The following VSIR variants were observed in gnomAD, a reference collection of about 807,000 sequenced individuals.
The protein encoded by VSIR is V-type immunoglobulin domain-containing suppressor of T-cell activation.
A neutral mutation model predicts 31.0 loss-of-function variants in VSIR; 10 were observed. The ratio of observed to expected loss-of-function variants is 0.32; its 90% CI spans 0.20 to 0.55. The LOEUF (loss-of-function observed/expected upper bound fraction) is 0.55. VSIR is among the 20% of genes least tolerant of loss of function. The probability of loss-of-function intolerance (pLI) is 0.93; values close to 1 mark genes in which losing one functional copy is unlikely to be tolerated. For synonymous variants in VSIR, 179 were observed against 180.1 expected (o/e 0.99, Z 0.05); for missense variants, 356 against 416.2 (o/e 0.86, Z 1.26).
At chr10:71,756,452 G>A (rs1840151067) in intron 3 of VSIR, among the ~76,000 whole-genome samples, 1 of 152,182 alleles carries the variant, frequency 6.6e-6, no homozygotes, top group Admixed American at 6.5e-5. Flanking sequence ...AACTAATAAT[G>A]TAGCAATGAA....
intron 4 of VSIR, chr10:71,753,782 G>A (rs1340481292): frequency 6.6e-6 from 3 of 456,316 alleles, no homozygotes; most frequent in African/African-American, 6.0e-5. Flanking sequence ...GATGGTGGGG[G>A]AGGGGCACAA....
At chr10:71,752,934 G>A (rs369439268) in intron 5 of VSIR, 41 bp downstream of exon 5, 174 of 1,606,766 alleles carry the variant, frequency 1.1e-4, no homozygotes, top group African/African-American at 2.3e-4. Context: ...CTGGATAGCC[G>A]GCCCAGGAAG....
chr10:71,771,915 T>C (rs1374684847), intron 1 of VSIR, among the ~76,000 whole-genome samples: 1 of 152,038 alleles, frequency 6.6e-6, no homozygotes, highest in African/African-American at 2.4e-5. Context: ...GGGCAGGAAG[T>C]GGGCAAGAAA....
intron 2 of VSIR, 138 bp from the exon 3 acceptor site, chr10:71,761,062 T>C (rs1840370098): frequency 3.9e-6 from 3 of 761,764 alleles, no homozygotes; most frequent in Admixed American, 2.1e-5. Context: ...AGTGGCAGCC[T>C]GCACACGTGT....
In VSIR at chr10:71,755,428, C is replaced by G; in HGVS notation, c.607G>C (p.Val203Leu). 1 of 1,613,274 alleles carries G rather than the reference C, an allele frequency of 6.2e-7. No homozygotes were observed. The highest frequency in any genetic ancestry group is 8.5e-7 in the Non-Finnish European group (1 of 1,179,832). The stretch of plus-strand genomic sequence containing the variant: ...ATGAGGGGGAGGCAGAGGATTCCTA[C>G]GATGCAGGCACCCGTAGCCAGGGCT... ...AAALATGACI[V>L]GILCLPLILL... The change falls in exon 4 of 7, where the codon GTA becomes CTA. Residue 203 changes from valine to leucine, a missense_variant. Around this residue, in one of 2 missense-constraint regions of VSIR, gnomAD observed 190 missense variants for 185.2 expected, o/e 1.03. Coordinates refer to ENST00000394957, the MANE Select transcript of VSIR (RefSeq NM_022153.2).
chr10:71,754,870 T>A (rs1375865069), intron 4 of VSIR, among the ~76,000 whole-genome samples: 1 of 152,222 alleles, frequency 6.6e-6, no homozygotes, highest in East Asian at 1.9e-4. Flanking sequence ...CAGTCAGTTA[T>A]GTAACCCCAC....
In VSIR at chr10:71,762,021, C is replaced by T. The variant is rs770336023; in HGVS notation, c.88G>A (p.Val30Met). ...GGCGTGGCGACCTTGAAGGCTGCCA[C>T]CGGACCTGCTCAGAGAGAGGAGAGC... ...ALFLAASLGP[V>M]AAFKVATPYS... The change falls in exon 2 of 7, where the codon GTG (valine) becomes ATG (methionine). Residue 30 changes from valine (V) to methionine (M), a missense_variant. By Grantham distance (21) the Val-to-Met change is conservative. Coordinates refer to ENST00000394957, the MANE Select transcript of VSIR (RefSeq NM_022153.2). 6.3e-7 allele frequency: 1 copy of T among 1,598,364 alleles called. No individual in the cohort carries two copies. Among genetic ancestry groups the T allele is most frequent in the Admixed American group, 1.7e-5 (1 of 59,408 alleles).
chr10:71,760,094 C>CACACACATAT lies in VSIR; in HGVS notation c.568+773_568+774insATATGTGTGT, dbSNP rs1564779840. 8.3e-4 allele frequency among the ~76,000 whole-genome samples: 82 copies of CACACACATAT among 98,606 alleles called. 5 individuals are homozygous for CACACACATAT. Among genetic ancestry groups the CACACACATAT allele is most frequent in the African/African-American group, 2.7e-3 (81 of 30,034 alleles). The allele number at this position is 98,606 out of a possible 152,430, so 64.7% of individuals were successfully genotyped here. ...ACACATATATATACACACACATATA[C>CACACACATAT]ACACACACATACATACATATATGTG... On this transcript the variant is annotated intron_variant, in intron 3 of 6. Coordinates refer to ENST00000394957, the MANE Select transcript of VSIR (RefSeq NM_022153.2).
At position 71,761,068 on chromosome 10, in the gene VSIR, C is replaced by T. The variant is rs149127816; in HGVS notation, c.512-144G>A. 4.0e-4 allele frequency: 304 copies of T among 765,370 alleles called. 6 individuals carry two copies. The East Asian group carries it at 7.7e-3, about 19-fold the overall frequency. The allele number at this position is 765,370 out of a possible 1,614,324, so 47.4% of individuals were successfully genotyped here. ...TGTTGGCCCAGTGGCAGCCTGCACA[C>T]GTGTGCACCCACACACACCCTGGCA... is the stretch of plus-strand genomic sequence containing the variant. On this transcript the variant is annotated intron_variant, in intron 2 of 6. Coordinates refer to ENST00000394957, the MANE Select transcript of VSIR (RefSeq NM_022153.2).
chr10:71,752,944 G>A (rs1398290934), intron 5 of VSIR, 31 bp downstream of exon 5: 27 of 1,610,776 alleles, frequency 1.7e-5, no homozygotes, highest in Non-Finnish European at 2.1e-5. Flanking sequence ...GGCCCAGGAA[G>A]TTTTCTCAAG....
At chr10:71,760,837 A>T in intron 3 of VSIR, 31 bp downstream of exon 3, 3 of 1,600,662 alleles carry the variant, frequency 1.9e-6, no homozygotes, top group Non-Finnish European at 2.6e-6. Flanking sequence ...AAAACAGAGA[A>T]CCCAAAAGGG....
At chr10:71,760,634 C>A in intron 3 of VSIR, 2 of 510,170 alleles carry the variant, frequency 3.9e-6, no homozygotes, top group Non-Finnish European at 7.1e-6. Context: ...CAAGGCACAG[C>A]CACTCCAGAG....
At chr10:71,759,820 T>C (rs112007933) in intron 3 of VSIR, among the ~76,000 whole-genome samples, 67,611 of 84,774 alleles carry the variant, frequency 0.8, 28,560 homozygotes, top group South Asian at 0.87. Flanking sequence ...TCAGAAAATA[T>C]ACACACACAC....
chr10:71,749,142 G>A lies in VSIR; in HGVS notation c.*2111C>T. ...GTCAGCAGCTGAGGGCTGGGGCCAG[G>A]CCAGCCTCCCCAGAGGGCAGGGCAT... On this transcript the variant is annotated 3_prime_UTR_variant, in exon 7 of 7. Coordinates refer to ENST00000394957, the MANE Select transcript of VSIR (RefSeq NM_022153.2). 6.6e-6 allele frequency: 1 copy of A among 152,300 alleles called. No individual in the cohort carries two copies. Among genetic ancestry groups the A allele is most frequent in the Non-Finnish European group, 1.5e-5 (1 of 68,038 alleles). 9.4% of individuals were successfully genotyped at this position (152,300 alleles called of 1,614,324 possible).
chr10:71,762,199 A>C (rs140594967), intron 1 of VSIR, among the ~76,000 whole-genome samples, 173 bp from the exon 2 acceptor site: 2 of 152,256 alleles, frequency 1.3e-5, no homozygotes, highest in East Asian at 3.9e-4. Context: ...ACTCCATCCT[A>C]GGCTGTTGTA....
intron 1 of VSIR, among the ~76,000 whole-genome samples, chr10:71,772,759 G>A (rs975218043): frequency 6.6e-6 from 1 of 152,194 alleles, no homozygotes. Flanking sequence ...GCAGGAATCA[G>A]CTGACCACTT....
Position 71,761,795 on chromosome 10 carries a change from T to A in VSIR, c.314A>T (p.Gln105Leu). 1 of 1,614,130 alleles carries A rather than the reference T, an allele frequency of 6.2e-7. No individual in the cohort carries two copies. Among genetic ancestry groups the A allele is most frequent in the Non-Finnish European group, 8.5e-7 (1 of 1,180,020 alleles). The change falls in exon 2 of 7, where the codon CAG becomes CTG. Residue 105 changes from glutamine (Q) to leucine (L), a missense_variant. By Grantham distance (113) the Gln-to-Leu change is moderately radical. Coordinates refer to ENST00000394957, the MANE Select transcript of VSIR (RefSeq NM_022153.2). ...QDLHLHHGGH[Q>L]AANTSHDLAQ... ...CAGGTCGTGGCTGGTGTTGGCAGCCTGGTGGCCTCCATGGTGCAGGTGAAG... is the reference window on the plus strand; with the variant it reads ...CAGGTCGTGGCTGGTGTTGGCAGCCAGGTGGCCTCCATGGTGCAGGTGAAG...
At chr10:71,755,318 C>T (rs1240785678) in intron 4 of VSIR, 41 bp downstream of exon 4, 2 of 1,555,270 alleles carry the variant, frequency 1.3e-6, no homozygotes, top group African/African-American at 1.4e-5. Context: ...GAGCAGGTCA[C>T]TCGCACCGTC....
chr10:71,757,505 C>G (rs1840179285), intron 3 of VSIR: 1 of 152,432 alleles, frequency 6.6e-6, no homozygotes, highest in South Asian at 2.1e-4. Context: ...CGCCACAGTT[C>G]CCCACCCCTT....
Sources: allele counts gnomAD v4.1 joint callset (sites outside exome capture counted in the v4.1 genomes callset), GRCh38; gene constraint gnomAD v4.1.1; regional missense constraint gnomAD v4.1.1; transcripts MANE v1.5; gene names NCBI Gene and HGNC (gene_info 2026-07-23, HGNC 2026-07-21).